Variants in RCAN2 observed in about 807,000 individuals in gnomAD.
RCAN2 encodes calcipressin-2.
RCAN2 carries 9 observed loss-of-function variants against 23.6 expected under a neutral mutation model. The ratio of observed to expected loss-of-function variants is 0.38; its 90% CI spans 0.23 to 0.67. The LOEUF (loss-of-function observed/expected upper bound fraction) is 0.67. RCAN2 is among the 30% of genes least tolerant of loss of function. The pLI is 0.51. For missense variants in RCAN2, 273 were observed against 302.3 expected, an observed-to-expected ratio of 0.90 and a Z score of 0.72; for synonymous variants, 109 against 115.7, an observed-to-expected ratio of 0.94 and a Z score of 0.37.
intron 2 of RCAN2, among the ~76,000 whole-genome samples, chr6:46,406,774 C>G (rs1303797225): frequency 1.3e-5 from 2 of 152,200 alleles, no homozygotes; most frequent in African/African-American, 2.4e-5. Flanking sequence ...TATCAGGGAA[C>G]TTTCAGTGTA....
At chr6:46,345,541 A>G (rs1764457418) in intron 2 of RCAN2, among the ~76,000 whole-genome samples, 1 of 152,166 alleles carries the variant, frequency 6.6e-6, no homozygotes, top group South Asian at 2.1e-4. Context: ...AGGATCAAAA[A>G]TAATGTAAAT....
chr6:46,351,917 C>A (rs1392450795), intron 2 of RCAN2, among the ~76,000 whole-genome samples: 4 of 152,140 alleles, frequency 2.6e-5, no homozygotes, highest in Admixed American at 2.6e-4. Flanking sequence ...GTTCTTTGAT[C>A]TTTACCTCTT....
intron 1 of RCAN2, among the ~76,000 whole-genome samples, chr6:46,466,232 C>T (rs1029499191): frequency 6.6e-6 from 1 of 152,200 alleles, no homozygotes; most frequent in South Asian, 2.1e-4. Context: ...AAGAACGTTG[C>T]TATGGTAGCC....
chr6:46,444,291 T>G (rs1232324283), intron 2 of RCAN2, among the ~76,000 whole-genome samples: 2 of 152,106 alleles, frequency 1.3e-5, no homozygotes, highest in African/African-American at 4.8e-5. Flanking sequence ...GGAGCTAGAA[T>G]GAAGGGCTGT....
intron 1 of RCAN2, among the ~76,000 whole-genome samples, chr6:46,483,112 C>T (rs115280793): frequency 0.02 from 3,095 of 152,302 alleles, 50 homozygotes; most frequent in Non-Finnish European, 0.031. Flanking sequence ...CCCCATGTCC[C>T]ATGTAAGCTA....
intron 2 of RCAN2, among the ~76,000 whole-genome samples, chr6:46,431,745 GA>G (rs1245747870): frequency 1.3e-5 from 2 of 152,128 alleles, no homozygotes; most frequent in African/African-American, 2.4e-5. Flanking sequence ...AAGTTAGAAA[GA>G]AAAAAATCAT....
At chr6:46,326,070 GC>G (rs1763786605) in intron 2 of RCAN2, among the ~76,000 whole-genome samples, 1 of 152,210 alleles carries the variant, frequency 6.6e-6, no homozygotes, top group Non-Finnish European at 1.5e-5. Context: ...ACTCAGAGCA[GC>G]CACACATGTT....
intron 3 of RCAN2, 120 bp from the exon 4 acceptor site, chr6:46,247,039 T>A (rs993492454): frequency 7.9e-6 from 6 of 761,864 alleles, no homozygotes; most frequent in Non-Finnish European, 1.2e-5. Flanking sequence ...AACCCGACCG[T>A]AATAATAATT....
chr6:46,430,319 C>T (rs1178928435), intron 2 of RCAN2, among the ~76,000 whole-genome samples: 1 of 152,104 alleles, frequency 6.6e-6, no homozygotes, highest in Non-Finnish European at 1.5e-5. Context: ...AGAAGGAGAG[C>T]TTCTGAGTGG....
chr6:46,398,166 T>A (rs1311770665), intron 2 of RCAN2, among the ~76,000 whole-genome samples: 1 of 152,226 alleles, frequency 6.6e-6, no homozygotes, highest in Non-Finnish European at 1.5e-5. Flanking sequence ...TACAAATATA[T>A]ATGTATGCAT....
chr6:46,289,736 A>T (rs1316950371), intron 2 of RCAN2, among the ~76,000 whole-genome samples: 3 of 152,204 alleles, frequency 2.0e-5, no homozygotes, highest in Non-Finnish European at 4.4e-5. Context: ...TATCTGTGAA[A>T]GGCATTGCTA....
chr6:46,274,139 C>T (rs962583298), intron 2 of RCAN2, among the ~76,000 whole-genome samples: 3 of 152,158 alleles, frequency 2.0e-5, no homozygotes, highest in Non-Finnish European at 2.9e-5. Context: ...TAACACAAAG[C>T]TTACTTAAGA....
intron 2 of RCAN2, among the ~76,000 whole-genome samples, chr6:46,279,597 G>A (rs930078558): frequency 6.6e-6 from 1 of 152,132 alleles, no homozygotes; most frequent in Non-Finnish European, 1.5e-5. Flanking sequence ...TCCTGCCTCC[G>A]GATCTTTGAT....
At chr6:46,301,575 C>G (rs1762904251) in intron 2 of RCAN2, among the ~76,000 whole-genome samples, 1 of 151,996 alleles carries the variant, frequency 6.6e-6, no homozygotes, top group African/African-American at 2.4e-5. Flanking sequence ...AAAGCTTGTT[C>G]CTTGTAGGCT....
chr6:46,326,850 C>T lies in RCAN2; in HGVS notation c.226-77954G>A, dbSNP rs1048872806. Reference sequence around the variant, plus strand: ...GAGAGTAGAAGCTTTCTCATTTGTCCTCATTGGTGTACACTTGAGTCCAAT... The same window carrying T: ...GAGAGTAGAAGCTTTCTCATTTGTCTTCATTGGTGTACACTTGAGTCCAAT... On this transcript the variant is annotated intron_variant, in intron 2 of 4. Coordinates refer to ENST00000371374, the MANE Select transcript of RCAN2 (RefSeq NM_001251974.2). 3.3e-5 allele frequency among the ~76,000 whole-genome samples: 5 copies of T among 152,236 alleles called. No homozygotes were observed. The East Asian group carries it at 9.6e-4, about 29-fold the overall frequency.
intron 1 of RCAN2, among the ~76,000 whole-genome samples, chr6:46,486,338 C>T (rs1460640241): frequency 6.6e-6 from 1 of 152,142 alleles, no homozygotes; most frequent in Non-Finnish European, 1.5e-5. Flanking sequence ...GCATCTGGAA[C>T]AGGGGCAGCA....
chr6:46,453,641 T>C (rs913919145), intron 2 of RCAN2, among the ~76,000 whole-genome samples: 5 of 152,228 alleles, frequency 3.3e-5, no homozygotes, highest in Non-Finnish European at 7.3e-5. Context: ...CTGTTACCTA[T>C]ATTATGAGAA....
intron 2 of RCAN2, among the ~76,000 whole-genome samples, chr6:46,373,520 G>T (rs1394373447): frequency 2.6e-5 from 4 of 152,322 alleles, no homozygotes; most frequent in Admixed American, 6.5e-5. Flanking sequence ...GCCTCCTAAA[G>T]TGTTGGGATT....
intron 2 of RCAN2, among the ~76,000 whole-genome samples, chr6:46,427,652 T>A (rs887924584): frequency 6.6e-6 from 1 of 152,228 alleles, no homozygotes; most frequent in African/African-American, 2.4e-5. Flanking sequence ...CTTTCTGACA[T>A]CCTGCTCTCT....
Sources: gnomAD v4.1 joint callset for allele counts (sites outside exome capture counted in the v4.1 genomes callset) on GRCh38, gnomAD v4.1.1 for gene constraint, MANE v1.5 for transcripts, NCBI Gene and HGNC (gene_info 2026-07-23, HGNC 2026-07-21) for gene names.